PAPSS2: variants seen among roughly 807,000 people sequenced by gnomAD.
The protein encoded by PAPSS2 is bifunctional 3'-phosphoadenosine 5'-phosphosulfate synthase 2.
In PAPSS2, 61 loss-of-function variants were observed where a neutral mutation model predicts 66.5. That is an observed-to-expected ratio of 0.92 (90% CI 0.75 to 1.14). The LOEUF is 1.14. Among genes scored for constraint, PAPSS2 ranks in the 50% most tolerant of loss-of-function variants. PAPSS2 has a pLI of 0.00. For missense variants in PAPSS2, 708 were observed against 789.6 expected, an observed-to-expected ratio of 0.90 and a Z score of 1.24; for synonymous variants, 289 against 287.5, an observed-to-expected ratio of 1.01 and a Z score of -0.05.
intron 1 of PAPSS2, among the ~76,000 whole-genome samples, chr10:87,690,692 C>T (rs541143989): frequency 9.9e-5 from 15 of 152,132 alleles, no homozygotes; most frequent in Non-Finnish European, 1.5e-4. Flanking sequence ...GATGAAAAGA[C>T]CCATTTTAAT....
intron 1 of PAPSS2, among the ~76,000 whole-genome samples, chr10:87,676,524 T>G (rs1852949266): frequency 7.1e-6 from 1 of 141,730 alleles, no homozygotes; most frequent in Non-Finnish European, 1.6e-5. Flanking sequence ...AATTATCACC[T>G]AAAACTTAGA....
intron 9 of PAPSS2, among the ~76,000 whole-genome samples, chr10:87,739,607 C>G (rs1044295554): frequency 6.6e-6 from 1 of 152,210 alleles, no homozygotes; most frequent in African/African-American, 2.4e-5. Context: ...GCTTACAAAA[C>G]TGAGGGTCCC....
In PAPSS2 at chr10:87,734,373, A is replaced by G. The variant is rs79482491; in HGVS notation, c.1087-6862A>G. Among the ~76,000 whole-genome samples, 192 of 152,086 alleles carry G rather than the reference A, an allele frequency of 1.3e-3. 1 individual carries two copies. In the East Asian group the frequency reaches 0.015, roughly 12 times the overall value. On this transcript the variant is annotated intron_variant, in intron 9 of 12. Coordinates refer to ENST00000456849, the MANE Select transcript of PAPSS2 (RefSeq NM_001015880.2). ...TGCCCCTTCTTTGTCCTCCCAGAGT[A>G]ATTTGGACTTGCCCCTTTCATACCT... is the stretch of plus-strand genomic sequence containing the variant.
At chr10:87,695,605 G>T (rs1195307494) in intron 1 of PAPSS2, among the ~76,000 whole-genome samples, 1 of 152,210 alleles carries the variant, frequency 6.6e-6, no homozygotes, top group Non-Finnish European at 1.5e-5. Flanking sequence ...AGGTTGAAGT[G>T]GAAGTCACAG....
chr10:87,711,635 C>T (rs1011331852), intron 2 of PAPSS2, among the ~76,000 whole-genome samples: 10 of 152,170 alleles, frequency 6.6e-5, no homozygotes, highest in Non-Finnish European at 1.3e-4. Flanking sequence ...AGTGTTGACA[C>T]GTTCTTCATA....
intron 7 of PAPSS2, among the ~76,000 whole-genome samples, chr10:87,721,334 T>G (rs974446275): frequency 1.3e-5 from 2 of 152,192 alleles, no homozygotes; most frequent in African/African-American, 4.8e-5. Context: ...GCAGTTTGCT[T>G]CTATACTTGC....
At chr10:87,685,111 A>T (rs1346118945) in intron 1 of PAPSS2, among the ~76,000 whole-genome samples, 2 of 152,126 alleles carry the variant, frequency 1.3e-5, no homozygotes, top group Admixed American at 6.5e-5. Context: ...CCATGTCTGA[A>T]TCCATGGGAA....
intron 1 of PAPSS2, among the ~76,000 whole-genome samples, chr10:87,666,145 G>T (rs1489710215): frequency 1.3e-5 from 2 of 151,892 alleles, no homozygotes; most frequent in Non-Finnish European, 2.9e-5. Flanking sequence ...TGTATTTTTA[G>T]TTGAGACGGG....
intron 1 of PAPSS2, among the ~76,000 whole-genome samples, chr10:87,671,987 T>C (rs1352578463): frequency 6.6e-6 from 1 of 152,156 alleles, no homozygotes; most frequent in Non-Finnish European, 1.5e-5. Context: ...ATAGCGGAGT[T>C]CCTCTGGGCA....
intron 9 of PAPSS2, among the ~76,000 whole-genome samples, chr10:87,735,989 T>C (rs1853793725): frequency 6.6e-6 from 1 of 152,166 alleles, no homozygotes; most frequent in East Asian, 1.9e-4. Flanking sequence ...TCAAATCAGC[T>C]TTCTCTCACT....
chr10:87,735,422 C>T (rs1033571985), intron 9 of PAPSS2, among the ~76,000 whole-genome samples: 8 of 152,156 alleles, frequency 5.3e-5, no homozygotes, highest in Non-Finnish European at 1.5e-5. Context: ...ATACGGTGGA[C>T]CCCTAGTGTC....
At chr10:87,744,111 A>AAG (rs2131731722) in intron 11 of PAPSS2, among the ~76,000 whole-genome samples, 1 of 152,316 alleles carries the variant, frequency 6.6e-6, no homozygotes, top group East Asian at 1.9e-4. Context: ...CAAAAAAAAA[A>AAG]AGAAAGATGC....
rs572246243 is a variant in PAPSS2 at position 87,660,857 on chromosome 10, C to T, written c.27+849C>T. 40 of 277,172 alleles carry T rather than the reference C, an allele frequency of 1.4e-4. 1 individual carries two copies. Among genetic ancestry groups the T allele is most frequent in the South Asian group, 1.4e-3 (40 of 28,508 alleles). The allele number at this position is 277,172 out of a possible 1,614,324, so 17.2% of individuals were successfully genotyped here. On this transcript the variant is annotated intron_variant, in intron 1 of 12. Transcript: ENST00000456849. ...AAACCGGGAGCAGTAATCATAGACT[C>T]TTAGAGTTGGATGGCGCCTTCTAGA...
At chr10:87,700,312 A>G (rs903507441) in intron 1 of PAPSS2, among the ~76,000 whole-genome samples, 3 of 152,252 alleles carry the variant, frequency 2.0e-5, no homozygotes, top group African/African-American at 2.4e-5. Flanking sequence ...CATAATTTCA[A>G]TTCCATGAGA....
chr10:87,682,172 G>T (rs2131905137), intron 1 of PAPSS2, among the ~76,000 whole-genome samples: 1 of 152,308 alleles, frequency 6.6e-6, no homozygotes, highest in East Asian at 1.9e-4. Flanking sequence ...GACTTACAGG[G>T]AAAGGAGATC....
chr10:87,724,214 A>G (rs770263471), intron 8 of PAPSS2, among the ~76,000 whole-genome samples: 1 of 152,104 alleles, frequency 6.6e-6, no homozygotes, highest in Non-Finnish European at 1.5e-5. Flanking sequence ...CTGAAAACCA[A>G]CTACACATTA....
At chr10:87,680,862 C>A (rs1220966194) in intron 1 of PAPSS2, among the ~76,000 whole-genome samples, 1 of 152,060 alleles carries the variant, frequency 6.6e-6, no homozygotes, top group African/African-American at 2.4e-5. Context: ...GTTATACAAT[C>A]TTTTGTGTTT....
intron 1 of PAPSS2, among the ~76,000 whole-genome samples, chr10:87,679,961 G>A (rs1589421695): frequency 6.6e-6 from 1 of 151,848 alleles, no homozygotes; most frequent in African/African-American, 2.4e-5. Flanking sequence ...CGAAGGTCAA[G>A]GCTGCAGTGA....
chr10:87,714,844 T>C lies in PAPSS2; in HGVS notation c.620T>C (p.Val207Ala). The C allele has an allele frequency of 6.2e-7, 1 of 1,608,254 alleles. No individual in the cohort carries two copies. Residue 207 changes from valine to alanine, a missense_variant, in exon 5 of 13, where the codon GTG becomes GCG. By Grantham distance (64) the Val-to-Ala change is moderately conservative. Transcript: ENST00000456849. The stretch of plus-strand genomic sequence containing the variant: ...GTGAGTGACTGTGTCCACCAGGTAG[T>C]GGAACTTCTGCAAGAGCAGGTAGGT... ...STVSDCVHQVVELLQEQNIVP... is the reference protein window; with the variant it reads ...STVSDCVHQVAELLQEQNIVP...
Sources: allele counts gnomAD v4.1 joint callset (sites outside exome capture counted in the v4.1 genomes callset), GRCh38; gene constraint gnomAD v4.1.1; transcripts MANE v1.5; gene names NCBI Gene and HGNC (gene_info 2026-07-23, HGNC 2026-07-21).